LIN28B: variants seen among roughly 807,000 people sequenced by gnomAD.
The protein encoded by LIN28B is protein lin-28 homolog B.
Under a neutral mutation model 21.9 loss-of-function variants are expected in LIN28B, and 5 were observed. The observed-to-expected ratio is 0.23, with a 90% CI of 0.12 to 0.48. The LOEUF is 0.48. Ranked by LOEUF, LIN28B falls within the 20% of genes least tolerant of loss-of-function variation. The pLI is 0.98. For synonymous variants in LIN28B, 109 were observed against 111.3 expected (o/e 0.98, Z 0.13); for missense variants, 245 against 310.5 (o/e 0.79, Z 1.58).
intron 2 of LIN28B, among the ~76,000 whole-genome samples, chr6:104,961,122 G>A (rs1011580975): frequency 3.3e-5 from 5 of 152,088 alleles, no homozygotes; most frequent in African/African-American, 1.2e-4. Context: ...TTTTTATGAT[G>A]TGAAAATATA....
intron 3 of LIN28B, chr6:105,058,131 A>G (rs1325114687): frequency 2.6e-6 from 1 of 383,656 alleles, no homozygotes; most frequent in East Asian, 9.6e-5. Flanking sequence ...TGTTTATTTT[A>G]TCATGTTCCT....
rs1771289802 is a variant in LIN28B, at chr6:105,026,478, G to A, written c.379G>A (p.Asp127Asn). 6.4e-7 allele frequency: 1 copy of A among 1,550,656 alleles called. No homozygotes were observed. The highest frequency in any genetic ancestry group is 8.7e-7 in the Non-Finnish European group (1 of 1,151,564). Residue 127 changes from aspartate to asparagine, a missense_variant, in exon 3 of 4, where the codon GAT becomes AAT. Asp to Asn is a conservative substitution (Grantham distance 23, BLOSUM62 1). Coordinates refer to ENST00000345080, the MANE Select transcript of LIN28B (RefSeq NM_001004317.4). ...ACTACAGAAAAGAAAACCAAAGGGA[G>A]ATAGGTAATCATTTTTACTTTGTTA... The part of the protein sequence containing the change: ...KTLQKRKPKG[D>N]RCYNCGGLDH...
intron 3 of LIN28B, among the ~76,000 whole-genome samples, chr6:105,046,198 G>C (rs1771757095): frequency 6.6e-6 from 1 of 151,928 alleles, no homozygotes; most frequent in African/African-American, 2.4e-5. Flanking sequence ...CCCAGTGTGT[G>C]ATGTTCCCCT....
chr6:105,020,163 G>A (rs973957188), intron 2 of LIN28B, among the ~76,000 whole-genome samples: 1 of 144,114 alleles, frequency 6.9e-6, no homozygotes, highest in Admixed American at 7.1e-5. Context: ...GCCCAGGTTG[G>A]AGTGCAGTGG....
At chr6:104,990,519 T>G (rs1479603729) in intron 2 of LIN28B, among the ~76,000 whole-genome samples, 1 of 152,052 alleles carries the variant, frequency 6.6e-6, no homozygotes, top group Non-Finnish European at 1.5e-5. Flanking sequence ...GTCGTATATA[T>G]TAGTCTTCAT....
At chr6:105,019,842 G>C (rs921230568) in intron 2 of LIN28B, among the ~76,000 whole-genome samples, 2 of 152,218 alleles carry the variant, frequency 1.3e-5, no homozygotes, top group Admixed American at 1.3e-4. Context: ...GGCTTTTAAA[G>C]AGTAACGTGA....
intron 3 of LIN28B, among the ~76,000 whole-genome samples, chr6:105,062,747 C>T (rs1772147182): frequency 6.6e-6 from 1 of 151,774 alleles, no homozygotes. Context: ...GCATTTACAT[C>T]CTCAAAATGA....
chr6:105,032,655 A>G (rs1771447468), intron 3 of LIN28B, among the ~76,000 whole-genome samples: 1 of 152,036 alleles, frequency 6.6e-6, no homozygotes, highest in Non-Finnish European at 1.5e-5. Flanking sequence ...CTGAGAGGTC[A>G]AAGATGCAGT....
chr6:105,052,108 T>TTTTTCAAAA (rs1315855933), intron 3 of LIN28B, among the ~76,000 whole-genome samples: 10 of 152,170 alleles, frequency 6.6e-5, no homozygotes, highest in African/African-American at 2.4e-4. Context: ...AAGGAAAACC[T>TTTTTCAAAA]GTGCAAAGAT....
rs544323718 is a variant in LIN28B at position 105,050,330 on chromosome 6, C to T, written c.383+23848C>T. On this transcript the variant is annotated intron_variant, in intron 3 of 3. Coordinates refer to ENST00000345080, the MANE Select transcript of LIN28B (RefSeq NM_001004317.4). ...TCTTTAAGAATGTTGAGGCTGGGCG[C>T]GGTGGCTCACGCCTGTAATCCCAGC... Among the ~76,000 whole-genome samples the T allele has an allele frequency of 3.5e-4, 54 of 152,218 alleles. 1 individual carries two copies. Among genetic ancestry groups the T allele is most frequent in the African/African-American group, 9.4e-4 (39 of 41,552 alleles).
intron 3 of LIN28B, among the ~76,000 whole-genome samples, chr6:105,063,648 G>GAA (rs1230150037): frequency 0.11 from 15,051 of 133,266 alleles, 2,447 homozygotes; most frequent in African/African-American, 0.34. Context: ...GGGGGGGGGG[G>GAA]AAAAAAAGGT....
At chr6:104,991,827 A>G (rs1232809514) in intron 2 of LIN28B, among the ~76,000 whole-genome samples, 2 of 152,178 alleles carry the variant, frequency 1.3e-5, no homozygotes, top group Non-Finnish European at 2.9e-5. Flanking sequence ...CCCGGCCAAC[A>G]CAGCGAAACC....
chr6:104,997,280 CAAA>C (rs767052570), intron 2 of LIN28B, among the ~76,000 whole-genome samples: 2 of 60,660 alleles, frequency 3.3e-5, no homozygotes, highest in Non-Finnish European at 3.4e-5. Context: ...GACTCCGTCT[CAAA>C]AAAAAAAAAA....
intron 3 of LIN28B, among the ~76,000 whole-genome samples, chr6:105,067,392 TG>T (rs1383796966): frequency 6.6e-6 from 1 of 152,150 alleles, no homozygotes; most frequent in Non-Finnish European, 1.5e-5. Context: ...TTTGTGTATA[TG>T]TGTGTGTGTT....
At chr6:105,064,823 G>A (rs1772190351) in intron 3 of LIN28B, among the ~76,000 whole-genome samples, 1 of 152,118 alleles carries the variant, frequency 6.6e-6, no homozygotes, top group South Asian at 2.1e-4. Context: ...AATAAGCCAA[G>A]TTCTTCATGG....
At chr6:105,071,245 A>C (rs901991317) in intron 3 of LIN28B, among the ~76,000 whole-genome samples, 3 of 152,174 alleles carry the variant, frequency 2.0e-5, no homozygotes, top group Non-Finnish European at 2.9e-5. Context: ...TGAAACATAA[A>C]TTCGATCATA....
intron 2 of LIN28B, among the ~76,000 whole-genome samples, chr6:105,005,374 G>C (rs756348836): frequency 2.6e-5 from 4 of 151,856 alleles, no homozygotes; most frequent in African/African-American, 9.7e-5. Flanking sequence ...ATATCCTTCT[G>C]TTCGTAGAAC....
chr6:105,006,978 G>C (rs139767113), intron 2 of LIN28B, among the ~76,000 whole-genome samples: 1 of 152,326 alleles, frequency 6.6e-6, no homozygotes, highest in African/African-American at 2.4e-5. Flanking sequence ...TGTAACAACT[G>C]TAAGGGCATT....
Position 104,979,428 on chromosome 6 carries a change from G to A in LIN28B, c.198+21142G>A, listed in dbSNP as rs543074511. Among the ~76,000 whole-genome samples the A allele has an allele frequency of 1.6e-4, 24 of 151,870 alleles. No homozygotes were observed. In the South Asian group the frequency reaches 4.8e-3, roughly 30 times the overall value. On this transcript the variant is annotated intron_variant, in intron 2 of 3. Coordinates refer to ENST00000345080, the MANE Select transcript of LIN28B (RefSeq NM_001004317.4). ...TCACCATGTTGGCCAGGCTGGTCTC[G>A]AACTTCCTGACCTCAAGTCATCCAC...
Sources: allele counts gnomAD v4.1 joint callset (sites outside exome capture counted in the v4.1 genomes callset), GRCh38; gene constraint gnomAD v4.1.1; transcripts MANE v1.5; gene names NCBI Gene and HGNC (gene_info 2026-07-23, HGNC 2026-07-21).